Variants in PRKN observed in about 807,000 individuals in gnomAD.
The protein encoded by PRKN is parkin RBR E3 ubiquitin protein ligase, also known as E3 ubiquitin-protein ligase parkin.
PRKN carries 56 observed loss-of-function variants against 59.5 expected under a neutral mutation model. The observed-to-expected ratio is 0.94, with a 90% confidence interval of 0.76 to 1.18. The LOEUF (loss-of-function observed/expected upper bound fraction) is 1.18, where lower values mean the gene tolerates loss of function less well. Among genes scored for constraint, PRKN ranks in the 50% most tolerant of loss-of-function variants. The pLI is 0.00. For missense variants in PRKN, 657 were observed against 596.4 expected (o/e 1.10, Z -1.06); for synonymous variants, 250 against 222.1 (o/e 1.13, Z -1.12).
chr6:161,789,642 C>A (rs1033745164), intron 6 of PRKN, among the ~76,000 whole-genome samples: 1 of 152,166 alleles, frequency 6.6e-6, no homozygotes, highest in African/African-American at 2.4e-5. Context: ...AAAAGTTCAT[C>A]TGTAATGTAC....
rs373517590 is a variant in PRKN, at chr6:162,267,564, A to C, written c.172-4799T>G. The stretch of plus-strand genomic sequence containing the variant: ...TCCAATAAATAAAATATTACCTGTC[A>C]AAGAGAAAACCCTTAATACAATTCT... On this transcript the variant is annotated intron_variant, in intron 2 of 11. Coordinates refer to ENST00000366898, the MANE Select transcript of PRKN (RefSeq NM_004562.3). Among the ~76,000 whole-genome samples, 26 of 152,328 alleles carry C rather than the reference A, an allele frequency of 1.7e-4. No homozygotes were observed. The East Asian group carries it at 3.7e-3, about 21-fold the overall frequency.
chr6:162,028,648 G>T (rs78348414), intron 5 of PRKN, among the ~76,000 whole-genome samples: 9,587 of 152,282 alleles, frequency 0.063, 777 homozygotes, highest in African/African-American at 0.19. Context: ...ACAAAATGGA[G>T]CAGTGAATGG....
At chr6:162,698,175 G>A (rs551992758) in intron 1 of PRKN, among the ~76,000 whole-genome samples, 1 of 152,316 alleles carries the variant, frequency 6.6e-6, no homozygotes, top group South Asian at 2.1e-4. Context: ...AAAGGCATAC[G>A]TGTCCACTGG....
intron 2 of PRKN, among the ~76,000 whole-genome samples, chr6:162,360,113 G>A (rs1785070827): frequency 1.3e-5 from 2 of 151,906 alleles, no homozygotes; most frequent in South Asian, 4.2e-4. Flanking sequence ...GGGTGTGGGT[G>A]CGGGTGTGGG....
rs572144032 is a variant in PRKN, at chr6:162,204,264, T to C, written c.413-3012A>G. Among the ~76,000 whole-genome samples, 12 of 152,298 alleles carry C rather than the reference T, an allele frequency of 7.9e-5. No homozygotes were observed. In the East Asian group the frequency reaches 9.6e-4, roughly 12 times the overall value. On this transcript the variant is annotated intron_variant, in intron 3 of 11. Coordinates refer to ENST00000366898, the MANE Select transcript of PRKN (RefSeq NM_004562.3). ...TAATAAAAGATGACAATAAAAAATA[T>C]TGGGGATTCTCTCGTCAAACCAATT...
At chr6:162,172,853 C>G (rs1399753047) in intron 4 of PRKN, among the ~76,000 whole-genome samples, 2 of 152,054 alleles carry the variant, frequency 1.3e-5, no homozygotes, top group Non-Finnish European at 2.9e-5. Flanking sequence ...TGAAATCTAA[C>G]CCATCAGAGG....
At chr6:162,194,435 T>G (rs1327930164) in intron 4 of PRKN, among the ~76,000 whole-genome samples, 1 of 152,138 alleles carries the variant, frequency 6.6e-6, no homozygotes, top group African/African-American at 2.4e-5. Context: ...AAAAGAACAT[T>G]TACGGGTTTG....
At chr6:162,164,395 T>C (rs1893541) in intron 4 of PRKN, among the ~76,000 whole-genome samples, 145,851 of 147,374 alleles carry the variant, frequency 0.99, 72,285 homozygotes, top group Middle Eastern at 1. Flanking sequence ...ATTTTAGTAG[T>C]GACGGTGTGT....
At chr6:162,069,667 T>A (rs1202735679) in intron 4 of PRKN, among the ~76,000 whole-genome samples, 1 of 152,174 alleles carries the variant, frequency 6.6e-6, no homozygotes, top group African/African-American at 2.4e-5. Flanking sequence ...CAGAAAGAAA[T>A]AGAAGTTTAC....
intron 1 of PRKN, among the ~76,000 whole-genome samples, chr6:162,706,931 T>C (rs1778358859): frequency 6.6e-6 from 1 of 152,188 alleles, no homozygotes; most frequent in South Asian, 2.1e-4. Context: ...CAACTTCTCT[T>C]TTGTTTGGCT....
rs1778695507 is a variant in PRKN, at chr6:161,518,414, G to A, written c.1083+30440C>T. On this transcript the variant is annotated intron_variant, in intron 9 of 11. Coordinates refer to ENST00000366898, the MANE Select transcript of PRKN (RefSeq NM_004562.3). This position sits in a 1 kb window ranked among gnomAD's most constrained non-coding sequence, Gnocchi z 5.0. ...TAGCCAGGCGTGGTGGTGGGCGCCT[G>A]TAGTCCCAGCTACTTGGGAGGCTGG... Among the ~76,000 whole-genome samples, 1 of 152,228 alleles carries A rather than the reference G, an allele frequency of 6.6e-6. No homozygotes were observed. The highest frequency in any genetic ancestry group is 1.5e-5 in the Non-Finnish European group (1 of 68,036).
At chr6:162,390,459 T>G (rs866954855) in intron 2 of PRKN, among the ~76,000 whole-genome samples, 1 of 150,196 alleles carries the variant, frequency 6.7e-6, no homozygotes, top group African/African-American at 2.5e-5. Context: ...TGGATTTTTT[T>G]GAGACAGAGT....
At chr6:162,179,616 C>T (rs932308319) in intron 4 of PRKN, among the ~76,000 whole-genome samples, 12 of 152,040 alleles carry the variant, frequency 7.9e-5, no homozygotes, top group African/African-American at 1.7e-4. Flanking sequence ...TCTAGAGGAG[C>T]GTATACATGT....
rs528378668 is a variant in PRKN, at chr6:162,102,077, A to C, written c.535-47903T>G. On this transcript the variant is annotated intron_variant, in intron 4 of 11. Transcript: ENST00000366898. ...TCCAGGGTCCATGTACAGGACGTGC[A>C]GGTTTGTTACATAGGTAAACGTGTG... 9.8e-5 allele frequency among the ~76,000 whole-genome samples: 15 copies of C among 152,310 alleles called. No individual in the cohort carries two copies. In the South Asian group the frequency reaches 1.7e-3, roughly 17 times the overall value.
At chr6:161,599,370 A>T (rs1397708106) in intron 7 of PRKN, among the ~76,000 whole-genome samples, 1 of 152,240 alleles carries the variant, frequency 6.6e-6, no homozygotes, top group Admixed American at 6.5e-5. Flanking sequence ...AGATCAAAGG[A>T]GATCAAATCA....
At chr6:162,036,062 C>T (rs147673910) in intron 5 of PRKN, among the ~76,000 whole-genome samples, 9,973 of 152,152 alleles carry the variant, frequency 0.066, 833 homozygotes, top group African/African-American at 0.2. Context: ...CGGTGGCTCA[C>T]GCCTGTAATC....
rs1156729341 is a variant in PRKN at position 161,354,253 on chromosome 6, T to C, written c.1286-4042A>G. On this transcript the variant is annotated intron_variant, in intron 11 of 11. Transcript: ENST00000366898. The surrounding 1 kb of genome is among the most constrained non-coding windows in gnomAD (Gnocchi z 6.7). Reference sequence around the variant, plus strand: ...CCGCAATTCTAAAAGCTTTGCCAGCTTAAAAGTAAGTGCATCCAGGAAGCA... The same window carrying C: ...CCGCAATTCTAAAAGCTTTGCCAGCCTAAAAGTAAGTGCATCCAGGAAGCA... 6.6e-6 allele frequency among the ~76,000 whole-genome samples: 1 copy of C among 152,152 alleles called. No homozygotes were observed. The highest frequency in any genetic ancestry group is 1.5e-5 in the Non-Finnish European group (1 of 68,024).
chr6:161,851,451 A>G (rs1793429696), intron 6 of PRKN, among the ~76,000 whole-genome samples: 3 of 151,992 alleles, frequency 2.0e-5, no homozygotes. Context: ...CTTTTCAAGA[A>G]TCACTCTTAT....
chr6:162,727,693 G>T lies in PRKN; in HGVS notation c.-25C>A. On this transcript the variant is annotated 5_prime_UTR_variant, in exon 1 of 12. Transcript: ENST00000366898. ...TGGTCACTGGGTAGGTGGCGGCTGC[G>T]GGCCAGGAACAGGCCCATGCGCGCA... 1 of 1,569,166 alleles carries T rather than the reference G, an allele frequency of 6.4e-7. No individual in the cohort carries two copies. Among genetic ancestry groups the T allele is most frequent in the East Asian group, 2.4e-5 (1 of 41,794 alleles).
Sources: gnomAD v4.1 joint callset for allele counts (sites outside exome capture counted in the v4.1 genomes callset) on GRCh38, gnomAD v4.1.1 for gene constraint, Gnocchi (gnomAD v3.1) non-coding constraint, MANE v1.5 for transcripts, NCBI Gene and HGNC (gene_info 2026-07-23, HGNC 2026-07-21) for gene names.